Variants in ADGRG2 observed in about 807,000 individuals in gnomAD.
ADGRG2 encodes the protein adhesion G protein-coupled receptor G2.
A neutral mutation model predicts 74.1 loss-of-function variants in ADGRG2; 26 were observed. The observed-to-expected ratio is 0.35, with a 90% CI of 0.26 to 0.49. The LOEUF is 0.49. ADGRG2 is among the 20% of genes least tolerant of loss of function. The pLI is 0.99. For missense variants in ADGRG2, 619 were observed against 763.1 expected (o/e 0.81, Z 2.22); for synonymous variants, 296 against 295.2 (o/e 1.00, Z -0.03).
intron 3 of ADGRG2, among the ~76,000 whole-genome samples, chrX:19,055,670 G>A (rs1052622140): frequency 2.7e-5 from 3 of 110,552 alleles, no homozygotes; most frequent in Admixed American, 9.7e-5. Context: ...GTTTGCTCTG[G>A]AGAGCACGAT....
intron 15 of ADGRG2, among the ~76,000 whole-genome samples, chrX:19,015,974 C>G (rs1246493038): frequency 8.9e-6 from 1 of 112,231 alleles, no homozygotes; most frequent in Non-Finnish European, 1.9e-5. Context: ...GTCATTTATG[C>G]TAGTCAGAGC....
rs370880082 is a variant in ADGRG2, at chrX:19,077,822, T to C, written c.-2+4880A>G. Among the ~76,000 whole-genome samples the C allele has an allele frequency of 3.6e-5, 4 of 112,433 alleles. No homozygotes were observed. The East Asian group carries it at 1.1e-3, about 31-fold the overall frequency. ...ATTCATAAAAGATTCAATTCTGAAT[T>C]GAAGACTGAAGAAATTTACATGTGA... On this transcript the variant is annotated intron_variant, in intron 2 of 28. Coordinates refer to ENST00000379869, the MANE Select transcript of ADGRG2 (RefSeq NM_001079858.3).
rs777628092 is a variant in ADGRG2 at position 19,067,047 on chromosome X, G to A, written c.118+1670C>T. 4.5e-5 allele frequency among the ~76,000 whole-genome samples: 5 copies of A among 111,685 alleles called. No individual in the cohort carries two copies. In the South Asian group the frequency reaches 1.9e-3, roughly 42 times the overall value. The stretch of plus-strand genomic sequence containing the variant: ...GCAGGAAAATAGGGTCTGGAGGCAG[G>A]GAACATAAGGCCGATTCACACTTCA... On this transcript the variant is annotated intron_variant, in intron 3 of 28. Transcript: ENST00000379869.
intron 1 of ADGRG2, among the ~76,000 whole-genome samples, chrX:19,099,138 C>T (rs767238426): frequency 1.8e-5 from 2 of 110,539 alleles, no homozygotes; most frequent in Non-Finnish European, 3.8e-5. Flanking sequence ...GAGCTGAGAT[C>T]GCGCCACTGC....
chrX:19,119,720 C>T (rs1443170184), intron 1 of ADGRG2, among the ~76,000 whole-genome samples: 2 of 111,507 alleles, frequency 1.8e-5, no homozygotes, highest in Non-Finnish European at 3.8e-5. Flanking sequence ...GCTCTGAGTC[C>T]CCACAATGAT....
At chrX:19,005,544 ATCTC>A (rs1169931635) in intron 22 of ADGRG2, among the ~76,000 whole-genome samples, 1 of 105,509 alleles carries the variant, frequency 9.5e-6, no homozygotes, top group Non-Finnish European at 1.9e-5. Flanking sequence ...TAGAAGAGGA[ATCTC>A]TCTCTCTTTT....
intron 1 of ADGRG2, among the ~76,000 whole-genome samples, chrX:19,104,249 G>T (rs752892289): frequency 9.1e-6 from 1 of 110,458 alleles, no homozygotes; most frequent in African/African-American, 3.3e-5. Context: ...GAAGGGAGTT[G>T]GCTGCAGCCA....
chrX:19,071,126 T>A (rs924284859), intron 2 of ADGRG2, among the ~76,000 whole-genome samples: 5 of 111,784 alleles, frequency 4.5e-5, no homozygotes, highest in Admixed American at 1.9e-4. Flanking sequence ...TGGCAATCTT[T>A]AAGAATTCTG....
chrX:19,060,887 T>G (rs944653161), intron 3 of ADGRG2, among the ~76,000 whole-genome samples: 3 of 111,507 alleles, frequency 2.7e-5, no homozygotes, highest in Admixed American at 1.9e-4. Flanking sequence ...GATTCCAATG[T>G]GCACCCAAAT....
At chrX:19,067,060 G>A (rs753809257) in intron 3 of ADGRG2, among the ~76,000 whole-genome samples, 2 of 111,865 alleles carry the variant, frequency 1.8e-5, no homozygotes, top group Admixed American at 1.9e-4. Flanking sequence ...ACATAAGGCC[G>A]ATTCACACTT....
intron 3 of ADGRG2, among the ~76,000 whole-genome samples, chrX:19,060,220 T>C (rs1372769723): frequency 8.9e-6 from 1 of 112,703 alleles, no homozygotes; most frequent in Admixed American, 9.4e-5. Flanking sequence ...CAACGATAAC[T>C]TGGGGGATTT....
intron 3 of ADGRG2, among the ~76,000 whole-genome samples, chrX:19,049,694 T>C (rs894030539): frequency 4.5e-5 from 5 of 110,491 alleles, no homozygotes; most frequent in Admixed American, 2.9e-4. Flanking sequence ...AGACAATTCT[T>C]CTTATTCTAA....
chrX:19,045,135 T>C (rs748666425), intron 3 of ADGRG2, among the ~76,000 whole-genome samples: 4 of 109,478 alleles, frequency 3.7e-5, no homozygotes, highest in African/African-American at 1.3e-4. Context: ...ATGGGTGAGG[T>C]TTAGAAACTT....
At chrX:19,107,643 T>G (rs1465279379) in intron 1 of ADGRG2, among the ~76,000 whole-genome samples, 3 of 107,822 alleles carry the variant, frequency 2.8e-5, no homozygotes, top group Non-Finnish European at 5.7e-5. Context: ...TTTTGTTTTT[T>G]TTTTTTTTTT....
intron 1 of ADGRG2, among the ~76,000 whole-genome samples, chrX:19,106,263 C>G (rs1360538593): frequency 9.0e-6 from 1 of 110,922 alleles, no homozygotes; most frequent in Non-Finnish European, 1.9e-5. Context: ...GCACTTCCAA[C>G]CTGCAGCATG....
At chrX:19,062,331 G>C (rs902005028) in intron 3 of ADGRG2, among the ~76,000 whole-genome samples, 2 of 111,985 alleles carry the variant, frequency 1.8e-5, no homozygotes, top group African/African-American at 6.5e-5. Flanking sequence ...TCCAAGTGGA[G>C]AGTGGGACAC....
At chrX:19,097,546 C>T (rs2062118519) in intron 1 of ADGRG2, among the ~76,000 whole-genome samples, 1 of 112,102 alleles carries the variant, frequency 8.9e-6, no homozygotes, top group Non-Finnish European at 1.9e-5. Flanking sequence ...TAAACCAACT[C>T]GGAGGACTGA....
chrX:19,029,160 G>C (rs1359025047), intron 9 of ADGRG2, among the ~76,000 whole-genome samples: 1 of 111,474 alleles, frequency 9.0e-6, no homozygotes, highest in Non-Finnish European at 1.9e-5. Flanking sequence ...TGTTTGACAT[G>C]ATCTATTTCA....
intron 2 of ADGRG2, among the ~76,000 whole-genome samples, chrX:19,077,577 T>C (rs1454120334): frequency 2.8e-5 from 3 of 106,373 alleles, no homozygotes; most frequent in Non-Finnish European, 5.8e-5. Flanking sequence ...AATGATTCCA[T>C]TAAAAGGCAA....
Sources: allele counts gnomAD v4.1 joint callset (sites outside exome capture counted in the v4.1 genomes callset), GRCh38; gene constraint gnomAD v4.1.1; transcripts MANE v1.5; gene names NCBI Gene and HGNC (gene_info 2026-07-23, HGNC 2026-07-21).